The following SEC24D variants were observed in gnomAD, a reference collection of about 807,000 sequenced individuals.
SEC24D encodes SEC24 homolog D, COPII component.
SEC24D carries 69 observed loss-of-function variants against 116.9 expected under a neutral mutation model. The observed-to-expected ratio is 0.59, with a 90% CI of 0.49 to 0.72. The LOEUF (loss-of-function observed/expected upper bound fraction) is 0.72. Ranked by LOEUF, SEC24D falls within the 30% of genes least tolerant of loss-of-function variation. SEC24D has a pLI of 0.00. For synonymous variants in SEC24D, 405 were observed against 442.8 expected, an observed-to-expected ratio of 0.91 and a Z score of 1.07; for missense variants, 1,131 against 1,264.1, an observed-to-expected ratio of 0.89 and a Z score of 1.60.
chr4:118,825,859 C>T (rs1165941437), intron 2 of SEC24D, among the ~76,000 whole-genome samples: 8 of 152,106 alleles, frequency 5.3e-5, no homozygotes, highest in Admixed American at 2.0e-4. Context: ...TTCATATTAA[C>T]ATTTCCTTTA....
chr4:118,745,101 G>C (rs376479698), intron 13 of SEC24D, 41 bp from the exon 14 acceptor site: 5 of 1,072,554 alleles, frequency 4.7e-6, no homozygotes, highest in Admixed American at 4.2e-5. Flanking sequence ...AGAAAATGCC[G>C]TGAGTAGGAA....
intron 8 of SEC24D, among the ~76,000 whole-genome samples, chr4:118,796,388 G>T: frequency 6.6e-6 from 1 of 152,240 alleles, no homozygotes; most frequent in East Asian, 1.9e-4. Flanking sequence ...AGAGACTATG[G>T]TTAAAATATG....
intron 2 of SEC24D, among the ~76,000 whole-genome samples, 167 bp from the exon 3 acceptor site, chr4:118,824,916 C>T (rs1047236160): frequency 6.6e-6 from 1 of 152,170 alleles, no homozygotes; most frequent in Non-Finnish European, 1.5e-5. Flanking sequence ...CAATACCAGG[C>T]TCTGGCATGA....
chr4:118,756,670 G>A (rs1012174787), intron 11 of SEC24D, among the ~76,000 whole-genome samples: 1 of 152,044 alleles, frequency 6.6e-6, no homozygotes, highest in African/African-American at 2.4e-5. Context: ...GGTTGGGGGT[G>A]GGACACGTAG....
intron 8 of SEC24D, among the ~76,000 whole-genome samples, chr4:118,778,851 T>A (rs887577360): frequency 5.3e-5 from 8 of 152,316 alleles, no homozygotes; most frequent in African/African-American, 1.9e-4. Context: ...GGTATTTTAT[T>A]CTCTTTGTAG....
chr4:118,751,867 T>C (rs1726855254), intron 13 of SEC24D, 129 bp downstream of exon 13: 2 of 679,728 alleles, frequency 2.9e-6, no homozygotes, highest in Admixed American at 2.6e-5. Context: ...GAGTGGAAGT[T>C]TGGAATAGCC....
chr4:118,830,640 T>A lies in SEC24D; in HGVS notation c.118+2939A>T, dbSNP rs541185322. Among the ~76,000 whole-genome samples the A allele has an allele frequency of 3.4e-4, 52 of 151,476 alleles. 1 individual carries two copies. The highest frequency in any genetic ancestry group is 2.8e-3 in the Admixed American group (43 of 15,236). On this transcript the variant is annotated intron_variant, in intron 2 of 22. Transcript: ENST00000280551. ...GTATATATAATTTTTTATTTGCCAATTAAAATTTTTTTTTTTAAAAACAGC... is the reference window on the plus strand; with the variant it reads ...GTATATATAATTTTTTATTTGCCAAATAAAATTTTTTTTTTTAAAAACAGC...
chr4:118,778,052 AG>A (rs1403118548), intron 8 of SEC24D, among the ~76,000 whole-genome samples: 1 of 152,114 alleles, frequency 6.6e-6, no homozygotes, highest in Non-Finnish European at 1.5e-5. Context: ...CCCATTCTGT[AG>A]GTTGCCTGTT....
chr4:118,733,589 C>T (rs1578378203), intron 19 of SEC24D, among the ~76,000 whole-genome samples: 1 of 152,188 alleles, frequency 6.6e-6, no homozygotes, highest in South Asian at 2.1e-4. Flanking sequence ...TTGTAAGATG[C>T]TTGAAGTTCG....
intron 8 of SEC24D, among the ~76,000 whole-genome samples, chr4:118,776,431 G>A (rs1728133354): frequency 6.6e-6 from 1 of 152,082 alleles, no homozygotes; most frequent in African/African-American, 2.4e-5. Context: ...TGGTGAGAGG[G>A]TATCTTTAGT....
At chr4:118,777,091 AATT>A (rs1398952255) in intron 8 of SEC24D, among the ~76,000 whole-genome samples, 2 of 132,300 alleles carry the variant, frequency 1.5e-5, no homozygotes, top group African/African-American at 5.2e-5. Flanking sequence ...TGAAGGTCTG[AATT>A]ATTTATTTAT....
intron 8 of SEC24D, among the ~76,000 whole-genome samples, chr4:118,791,796 G>A (rs941590889): frequency 6.6e-6 from 1 of 152,218 alleles, no homozygotes; most frequent in African/African-American, 2.4e-5. Flanking sequence ...AAAGTGCCGG[G>A]ATTGCAGACG....
At chr4:118,754,579 T>C (rs1234685837) in intron 11 of SEC24D, among the ~76,000 whole-genome samples, 1 of 152,078 alleles carries the variant, frequency 6.6e-6, no homozygotes, top group Admixed American at 6.6e-5. Context: ...TCGGGTACAA[T>C]GTGGGGAATT....
At chr4:118,731,195 C>T in intron 21 of SEC24D, 121 bp downstream of exon 21, 1 of 786,010 alleles carries the variant, frequency 1.3e-6, no homozygotes, top group Non-Finnish European at 2.0e-6. Context: ...TTATTTCTTT[C>T]ATATACAGAA....
intron 3 of SEC24D, among the ~76,000 whole-genome samples, chr4:118,820,186 T>A (rs1370903209): frequency 9.3e-5 from 14 of 150,966 alleles, no homozygotes; most frequent in East Asian, 1.9e-4. Flanking sequence ...AATTTTTTTT[T>A]TTTTTTTTTT....
chr4:118,799,708 C>T (rs763275885), intron 7 of SEC24D, among the ~76,000 whole-genome samples: 79 of 152,172 alleles, frequency 5.2e-4, no homozygotes, highest in Non-Finnish European at 5.7e-4. Flanking sequence ...ATGTGTATCA[C>T]GCGGAGGCAC....
In SEC24D at chr4:118,800,672, T is replaced by C. The variant is rs576443223; in HGVS notation, c.914-2862A>G. On this transcript the variant is annotated intron_variant, in intron 7 of 22. Transcript: ENST00000280551. Reference sequence around the variant, plus strand: ...GGGTGATAATAATAACAGCAGCCAATGCGCTAGACATCATTCTAAGACTGT... The same window carrying C: ...GGGTGATAATAATAACAGCAGCCAACGCGCTAGACATCATTCTAAGACTGT... Among the ~76,000 whole-genome samples, 4 of 152,252 alleles carry C rather than the reference T, an allele frequency of 2.6e-5. No individual in the cohort carries two copies. In the South Asian group the frequency reaches 6.2e-4, roughly 24 times the overall value.
chr4:118,834,748 C>T (rs778325459), intron 1 of SEC24D, among the ~76,000 whole-genome samples: 3 of 152,202 alleles, frequency 2.0e-5, no homozygotes, highest in Non-Finnish European at 4.4e-5. Context: ...CAGATTTCCA[C>T]TGATTCTACA....
chr4:118,756,087 T>C (rs1578403172), intron 11 of SEC24D, among the ~76,000 whole-genome samples: 1 of 148,700 alleles, frequency 6.7e-6, no homozygotes, highest in African/African-American at 2.4e-5. Flanking sequence ...GGATAATAGA[T>C]TAGCCTAAGT....
Sources: allele counts gnomAD v4.1 joint callset (sites outside exome capture counted in the v4.1 genomes callset), GRCh38; gene constraint gnomAD v4.1.1; transcripts MANE v1.5; gene names NCBI Gene and HGNC (gene_info 2026-07-23, HGNC 2026-07-21).